The following SUFU variants were observed in gnomAD, a reference collection of about 807,000 sequenced individuals.
The protein encoded by SUFU is suppressor of fused homolog.
In SUFU, 7 loss-of-function variants were observed where a neutral mutation model predicts 58.9. The observed-to-expected ratio is 0.12, with a 90% CI of 0.07 to 0.22. SUFU has a LOEUF of 0.22. Ranked by LOEUF, SUFU falls within the 10% of genes least tolerant of loss-of-function variation. SUFU has a pLI of 1.00. For synonymous variants in SUFU, 232 were observed against 254.8 expected (o/e 0.91, Z 0.85); for missense variants, 451 against 641.3 (o/e 0.70, Z 3.20).
chr10:102,582,706 C>T (rs1176964556), intron 3 of SUFU, among the ~76,000 whole-genome samples: 1 of 152,170 alleles, frequency 6.6e-6, no homozygotes, highest in Non-Finnish European at 1.5e-5. Flanking sequence ...TTTTGCTATC[C>T]TGGAGTGGTA....
Position 102,617,490 on chromosome 10 carries a change from C to T in SUFU, c.1296+62C>T. ...ATAGACTTCCTTGCCCACCCCTCCT[C>T]TTCTCCCTTGGCAGCTCTTGATGGC... On this transcript the variant is annotated intron_variant, in intron 10 of 11. Transcript: ENST00000369902. The surrounding 1 kb of genome is among the most constrained non-coding windows in gnomAD (Gnocchi z 4.4). The T allele has an allele frequency of 6.2e-7, 1 of 1,611,692 alleles. No individual in the cohort carries two copies.
In SUFU at chr10:102,632,604, A is replaced by G. The variant is rs779978599; in HGVS notation, c.*2449A>G. The G allele has an allele frequency of 1.7e-5, 4 of 233,192 alleles. No individual in the cohort carries two copies. Among genetic ancestry groups the G allele is most frequent in the Non-Finnish European group, 3.4e-5 (4 of 118,104 alleles). The allele number at this position is 233,192 out of a possible 1,614,324, so 14.4% of individuals were successfully genotyped here. A position where few individuals can be genotyped will look rare whatever the true frequency, so the allele number is the denominator to read the frequency against. ...TGTCCAGCACAGCTTCTGGCACAGG[A>G]TGCTTGGTGAATGTACCCTTTCTTT... On this transcript the variant is annotated 3_prime_UTR_variant, in exon 12 of 12. Coordinates refer to ENST00000369902, the MANE Select transcript of SUFU (RefSeq NM_016169.4).
Position 102,581,180 on chromosome 10 carries a change from CAAAAAAAAAA to C in SUFU, c.455-11380_455-11371del, listed in dbSNP as rs71016393. ...GGGCGACAGAGAGAGACTCTGTCTCCAAAAAAAAAAAAAAAAAAAAAAAAAAAAAAAGAAG... is the reference window on the plus strand; with the variant it reads ...GGGCGACAGAGAGAGACTCTGTCTCCAAAAAAAAAAAAAAAAAAAAAGAAG... On this transcript the variant is annotated intron_variant, in intron 3 of 11. Coordinates refer to ENST00000369902, the MANE Select transcript of SUFU (RefSeq NM_016169.4). Among the ~76,000 whole-genome samples, 57 of 75,678 alleles carry C rather than the reference CAAAAAAAAAA, an allele frequency of 7.5e-4. No individual in the cohort carries two copies. In the East Asian group the frequency reaches 0.011, roughly 15 times the overall value. 49.6% of individuals were successfully genotyped at this position (75,678 alleles called of 152,430 possible).
chr10:102,602,933 C>T (rs1281088522), intron 8 of SUFU, among the ~76,000 whole-genome samples: 2 of 152,132 alleles, frequency 1.3e-5, no homozygotes, highest in Admixed American at 1.3e-4. Context: ...CCACTGCCTG[C>T]TCGGGTGAGT....
intron 8 of SUFU, among the ~76,000 whole-genome samples, chr10:102,612,242 G>A (rs903765693): frequency 2.0e-5 from 3 of 151,734 alleles, no homozygotes; most frequent in East Asian, 1.9e-4. Context: ...TATAGCAGCC[G>A]CGTTTCCATC....
At position 102,520,089 on chromosome 10, in the gene SUFU, A is replaced by C. The variant is rs374136943; in HGVS notation, c.317+10786A>C. On this transcript the variant is annotated intron_variant, in intron 2 of 11. Coordinates refer to ENST00000369902, the MANE Select transcript of SUFU (RefSeq NM_016169.4). ...GCCTGGCCAGTTTCCCCTATTATTA[A>C]CACCTTGCATTATTGTGGTTTATTT... Among the ~76,000 whole-genome samples the C allele has an allele frequency of 7.5e-4, 113 of 150,238 alleles. No homozygotes were observed. In the South Asian group the frequency reaches 0.024, roughly 32 times the overall value.
At chr10:102,604,313 C>T (rs1247503265) in intron 8 of SUFU, among the ~76,000 whole-genome samples, 2 of 152,244 alleles carry the variant, frequency 1.3e-5, no homozygotes, top group African/African-American at 2.4e-5. Context: ...TGCCAAGTGC[C>T]TTTACAGGCC....
intron 3 of SUFU, among the ~76,000 whole-genome samples, chr10:102,590,176 T>TTG (rs2063382801): frequency 7.7e-6 from 1 of 129,484 alleles, no homozygotes; most frequent in African/African-American, 3.0e-5. Context: ...TTTTTTTTTT[T>TTG]GAGACAGAGT....
intron 2 of SUFU, among the ~76,000 whole-genome samples, chr10:102,518,164 T>C (rs2062495766): frequency 6.6e-6 from 1 of 152,202 alleles, no homozygotes. Context: ...TTCTAAGTGC[T>C]TTATATAAAC....
intron 9 of SUFU, among the ~76,000 whole-genome samples, chr10:102,616,231 C>T (rs1019158412): frequency 2.2e-4 from 34 of 152,204 alleles, no homozygotes; most frequent in Non-Finnish European, 4.0e-4. Flanking sequence ...GCTCTGTGCT[C>T]AGGGCTGCTG....
At chr10:102,577,835 C>G (rs1310340392) in intron 3 of SUFU, among the ~76,000 whole-genome samples, 1 of 151,328 alleles carries the variant, frequency 6.6e-6, no homozygotes, top group Admixed American at 6.6e-5. Context: ...TGCCCACCAC[C>G]ATGCCCGGCT....
Position 102,619,379 on chromosome 10 carries a change from G to A in SUFU, c.1296+1951G>A, listed in dbSNP as rs2063720510. ...AGCACATGGTCCCCTCCCATGGGCT[G>A]TTGCCCAGGGAACCGGGGCGCGGTG... On this transcript the variant is annotated intron_variant, in intron 10 of 11. Transcript: ENST00000369902. This position sits in a 1 kb window ranked among gnomAD's most constrained non-coding sequence, Gnocchi z 4.2. 12 of 1,397,918 alleles carry A rather than the reference G, an allele frequency of 8.6e-6. No homozygotes were observed. The highest frequency in any genetic ancestry group is 1.4e-5 in the African/African-American group (1 of 69,152). 86.6% of individuals were successfully genotyped at this position (1,397,918 alleles called of 1,614,324 possible).
chr10:102,560,121 T>G (rs983336668), intron 3 of SUFU, among the ~76,000 whole-genome samples: 2 of 152,188 alleles, frequency 1.3e-5, no homozygotes, highest in African/African-American at 4.8e-5. Flanking sequence ...TTCCCCTGTT[T>G]ACAAAAGAAA....
Position 102,597,311 on chromosome 10 carries a change from G to C in SUFU, c.910+18G>C, listed in dbSNP as rs761388777. 6.2e-7 allele frequency: 1 copy of C among 1,609,274 alleles called. No homozygotes were observed. On this transcript the variant is annotated intron_variant, in intron 7 of 11. Transcript: ENST00000369902. Reference sequence around the variant, plus strand: ...TGGCAAAGGTGGGAGCCATCACTCAGCATTCCACCAGCCTTCCTCCTTCCT... The same window carrying C: ...TGGCAAAGGTGGGAGCCATCACTCACCATTCCACCAGCCTTCCTCCTTCCT...
chr10:102,555,269 CAAAAA>C (rs57658645), intron 3 of SUFU, among the ~76,000 whole-genome samples: 1 of 78,090 alleles, frequency 1.3e-5, no homozygotes, highest in Non-Finnish European at 2.3e-5. Context: ...CTCCGTCTCA[CAAAAA>C]AAAAAAAAAA....
intron 3 of SUFU, among the ~76,000 whole-genome samples, chr10:102,566,014 A>G (rs1169818087): frequency 6.6e-6 from 1 of 152,208 alleles, no homozygotes; most frequent in Non-Finnish European, 1.5e-5. Flanking sequence ...AGGGCAGTGA[A>G]GCCCACTGGC....
chr10:102,624,863 C>G (rs2135950056), intron 10 of SUFU, among the ~76,000 whole-genome samples: 1 of 152,298 alleles, frequency 6.6e-6, no homozygotes, highest in East Asian at 1.9e-4. Flanking sequence ...TCTTCCTGTC[C>G]TCCCTCCACC....
Position 102,603,274 on chromosome 10 carries a change from A to G in SUFU, c.1022+3730A>G, listed in dbSNP as rs1049706690. On this transcript the variant is annotated intron_variant, in intron 8 of 11. Coordinates refer to ENST00000369902, the MANE Select transcript of SUFU (RefSeq NM_016169.4). Reference sequence around the variant, plus strand: ...GCTCCTGGCCTCAAGTGATCCTCCTACCTTGGCCTCCCAAAATGCTGGGAC... The same window carrying G: ...GCTCCTGGCCTCAAGTGATCCTCCTGCCTTGGCCTCCCAAAATGCTGGGAC... Among the ~76,000 whole-genome samples, 3 of 151,962 alleles carry G rather than the reference A, an allele frequency of 2.0e-5. No individual in the cohort carries two copies. In the East Asian group the frequency reaches 5.8e-4, roughly 29 times the overall value.
intron 2 of SUFU, among the ~76,000 whole-genome samples, chr10:102,516,220 G>A (rs1217678642): frequency 1.4e-5 from 2 of 147,512 alleles, no homozygotes; most frequent in Non-Finnish European, 3.0e-5. Flanking sequence ...ATTTATAGGT[G>A]TGCGCCACCA....
Sources: gnomAD v4.1 joint callset for allele counts (sites outside exome capture counted in the v4.1 genomes callset) on GRCh38, gnomAD v4.1.1 for gene constraint, Gnocchi (gnomAD v3.1) non-coding constraint, MANE v1.5 for transcripts, NCBI Gene and HGNC (gene_info 2026-07-23, HGNC 2026-07-21) for gene names.